The following GOLGA3 variants were observed in gnomAD, a reference collection of about 807,000 sequenced individuals.
The protein encoded by GOLGA3 is golgin A3, also known as golgin subfamily A member 3.
A neutral mutation model predicts 169.4 loss-of-function variants in GOLGA3; 75 were observed. The observed-to-expected ratio is 0.44, with a 90% CI of 0.37 to 0.54. The LOEUF (loss-of-function observed/expected upper bound fraction) is 0.54. GOLGA3 is among the 20% of genes least tolerant of loss of function. GOLGA3 has a pLI of 0.00. For missense variants in GOLGA3, 1,899 were observed against 1,930.0 expected (o/e 0.98, Z 0.30); for synonymous variants, 824 against 822.4 (o/e 1.00, Z -0.03).
Position 132,773,196 on chromosome 12 carries a change from C to T in GOLGA3, c.4406G>A (p.Ser1469Asn). 6.3e-7 allele frequency: 1 copy of T among 1,582,536 alleles called. No homozygotes were observed. Among genetic ancestry groups the T allele is most frequent in the Non-Finnish European group, 8.6e-7 (1 of 1,162,956 alleles). The change falls in exon 24 of 24, where the codon AGC becomes AAC. Residue 1469 changes from serine to asparagine, a missense_variant. By Grantham distance (46) the Ser-to-Asn change is conservative. Coordinates refer to ENST00000450791, the MANE Select transcript of GOLGA3 (RefSeq NM_001389683.1). ...SWTPLEPATASPVPPGGHAGP... is the reference protein window; with the variant it reads ...SWTPLEPATANPVPPGGHAGP... ...GGCGTGACCCCCCGGGGGCACAGGG[C>T]TGGCAGTGGCTGGCTCCAGCGGCGT...
intron 18 of GOLGA3, among the ~76,000 whole-genome samples, chr12:132,779,923 T>C (rs1430003994): frequency 9.0e-6 from 1 of 111,256 alleles, no homozygotes; most frequent in Non-Finnish European, 1.7e-5. Context: ...GCCCCCCGCA[T>C]GCACACAACC....
chr12:132,794,668 G>C (rs1422782748), intron 11 of GOLGA3, among the ~76,000 whole-genome samples: 1 of 152,216 alleles, frequency 6.6e-6, no homozygotes, highest in Non-Finnish European at 1.5e-5. Context: ...CCAGGTATCA[G>C]CTGTTTCTTA....
chr12:132,786,760 C>A lies in GOLGA3; in HGVS notation c.2839G>T (p.Val947Phe), dbSNP rs1397619073. The A allele has an allele frequency of 6.8e-6, 11 of 1,613,190 alleles. No individual in the cohort carries two copies. The highest frequency in any genetic ancestry group is 3.3e-5 in the Admixed American group (2 of 59,948). ...QSLQFDKEQM[V>F]AVTEANEALK... The stretch of plus-strand genomic sequence containing the variant: ...GCCTCATTGGCCTCTGTGACCGCGA[C>A]CATCTGCTCCTTATCGAACTGCAAC... Residue 947 changes from valine (V) to phenylalanine (F), a missense_variant, in exon 14 of 24, where the codon GTC (valine) becomes TTC (phenylalanine). Transcript: ENST00000450791.
chr12:132,789,412 A>G (rs764260635), intron 12 of GOLGA3, 122 bp from the exon 13 acceptor site: 10 of 776,884 alleles, frequency 1.3e-5, no homozygotes, highest in Non-Finnish European at 2.0e-5. Context: ...TTTTTGAGGT[A>G]AAGATACATT....
intron 2 of GOLGA3, among the ~76,000 whole-genome samples, chr12:132,817,529 G>A (rs1311432250): frequency 2.7e-5 from 1 of 37,538 alleles, no homozygotes; most frequent in African/African-American, 8.9e-5. Flanking sequence ...ACACCTCCAC[G>A]CTCTAAGGTG....
chr12:132,807,890 C>T lies in GOLGA3; in HGVS notation c.1178+1G>A, dbSNP rs1272569205. 6.3e-7 allele frequency: 1 copy of T among 1,596,182 alleles called. No individual in the cohort carries two copies. On this transcript the variant is annotated splice_donor_variant, in intron 5 of 23. Transcript: ENST00000450791. LOFTEE classifies it high-confidence loss of function. ...CCGCCCACCTCTGCTGTCCCCACCA[C>T]CTGCTGCAGATGCTGTCTCTCCGAC...
chr12:132,773,185 G>A lies in GOLGA3; in HGVS notation c.4417C>T (p.Pro1473Ser), dbSNP rs1433721048. Residue 1473 changes from proline (P) to serine (S), a missense_variant, in exon 24 of 24, where the codon CCG becomes TCG. By Grantham distance (74) the Pro-to-Ser change is moderately conservative. Transcript: ENST00000450791. ...CCGCGTGGGCCGGCGTGACCCCCCG[G>A]GGGCACAGGGCTGGCAGTGGCTGGC... Reference protein sequence around the residue: ...LEPATASPVPPGGHAGPRGDP... With the variant: ...LEPATASPVPSGGHAGPRGDP... 1.9e-6 allele frequency: 3 copies of A among 1,586,710 alleles called. No individual in the cohort carries two copies. The highest frequency in any genetic ancestry group is 2.6e-6 in the Non-Finnish European group (3 of 1,165,762).
At position 132,777,395 on chromosome 12, in the gene GOLGA3, C is replaced by A. The variant is rs925983734; in HGVS notation, c.3722+271G>T. ...CATGGGACCCACAGAGCCACAGCAT[C>A]AGCCCCGCGCCGGGCCGCCCCTTCC... On this transcript the variant is annotated intron_variant, in intron 19 of 23. Coordinates refer to ENST00000450791, the MANE Select transcript of GOLGA3 (RefSeq NM_001389683.1). This position sits in a 1 kb window ranked among gnomAD's most constrained non-coding sequence, Gnocchi z 4.7. Among the ~76,000 whole-genome samples the A allele has an allele frequency of 3.9e-5, 6 of 152,074 alleles. No individual in the cohort carries two copies. Among genetic ancestry groups the A allele is most frequent in the African/African-American group, 1.4e-4 (6 of 41,400 alleles).
intron 8 of GOLGA3, among the ~76,000 whole-genome samples, chr12:132,798,702 T>C (rs928756831): frequency 2.6e-5 from 4 of 152,200 alleles, no homozygotes; most frequent in Admixed American, 2.0e-4. Flanking sequence ...GCGCTCATCA[T>C]GCTGTTTGTA....
In GOLGA3 at chr12:132,798,372, C is replaced by T; in HGVS notation, c.1906G>A (p.Gly636Arg). The T allele has an allele frequency of 6.2e-7, 1 of 1,613,540 alleles. No homozygotes were observed. The highest frequency in any genetic ancestry group is 2.2e-5 in the East Asian group (1 of 44,874). Residue 636 changes from glycine to arginine, a missense_variant, in exon 9 of 24, where the codon GGG (glycine) becomes AGG (arginine). Physicochemically the swap from Gly to Arg is moderately radical, Grantham distance 125 (BLOSUM62 -2). Coordinates refer to ENST00000450791, the MANE Select transcript of GOLGA3 (RefSeq NM_001389683.1). The part of the protein sequence containing the change: ...ETQHRSMKEK[G>R]RIAAQLQGIE... ...CCCTGCAGCTGTGCCGCGATGCGCC[C>T]CTTCTCCTTCATGGACCTGTGCTGA... is the stretch of plus-strand genomic sequence containing the variant.
intron 1 of GOLGA3, 85 bp from the exon 2 acceptor site, chr12:132,822,396 TG>T: frequency 1.4e-6 from 1 of 718,200 alleles, no homozygotes; most frequent in Non-Finnish European, 2.1e-6. Flanking sequence ...GTTCCCAATT[TG>T]CATACGTACA....
chr12:132,818,543 C>T (rs750947958), intron 2 of GOLGA3, among the ~76,000 whole-genome samples: 4 of 152,318 alleles, frequency 2.6e-5, no homozygotes, highest in Middle Eastern at 3.4e-3. Flanking sequence ...CGTGAGCCAC[C>T]GCACCCAGCC....
intron 18 of GOLGA3, among the ~76,000 whole-genome samples, chr12:132,778,397 C>T (rs2045364005): frequency 6.6e-6 from 1 of 151,982 alleles, no homozygotes; most frequent in Admixed American, 6.5e-5. Context: ...CGGGGAAACC[C>T]CGTCTCTACT....
Position 132,773,301 on chromosome 12 carries a change from C to A in GOLGA3, c.4308-7G>T, listed in dbSNP as rs751606757. Reference sequence around the variant, plus strand: ...CAGGCTGTCCATCTCCTGCCTGGGACAGAAGAAGGAGGAAGAAGGCCCAGA... The same window carrying A: ...CAGGCTGTCCATCTCCTGCCTGGGAAAGAAGAAGGAGGAAGAAGGCCCAGA... On this transcript the variant is annotated splice_region_variant and splice_polypyrimidine_tract_variant and intron_variant, in intron 23 of 23. Transcript: ENST00000450791. 2.2e-6 allele frequency: 3 copies of A among 1,393,398 alleles called. No homozygotes were observed. The African/African-American group carries it at 4.5e-5, about 21-fold the overall frequency. The allele number at this position is 1,393,398 out of a possible 1,614,324, so 86.3% of individuals were successfully genotyped here. A position where few individuals can be genotyped will look rare whatever the true frequency, so the allele number is the denominator to read the frequency against.
At chr12:132,786,917 A>G in intron 13 of GOLGA3, 130 bp from the exon 14 acceptor site, 1 of 668,788 alleles carries the variant, frequency 1.5e-6, no homozygotes, top group Non-Finnish European at 2.7e-6. Flanking sequence ...GGCCTTGAGA[A>G]AAATCCTGAG....
At chr12:132,809,759 A>G (rs1052810988) in intron 4 of GOLGA3, among the ~76,000 whole-genome samples, 1 of 152,190 alleles carries the variant, frequency 6.6e-6, no homozygotes, top group Non-Finnish European at 1.5e-5. Flanking sequence ...ATGATTAATG[A>G]TATTCATATA....
Position 132,779,761 on chromosome 12 carries a change from T to G in GOLGA3, c.3582+1037A>C, listed in dbSNP as rs182347164. 2.1e-3 allele frequency among the ~76,000 whole-genome samples: 279 copies of G among 132,070 alleles called. 1 individual carries two copies. Among genetic ancestry groups the G allele is most frequent in the African/African-American group, 7.7e-3 (272 of 35,534 alleles). The allele number at this position is 132,070 out of a possible 152,430, so 86.6% of individuals were successfully genotyped here. A position where few individuals can be genotyped will look rare whatever the true frequency, so the allele number is the denominator to read the frequency against. ...CACGTGCGCACACACACCACAGCCC[T>G]TGCATGGACACCCCCCCCGTGCACA... On this transcript the variant is annotated intron_variant, in intron 18 of 23. Coordinates refer to ENST00000450791, the MANE Select transcript of GOLGA3 (RefSeq NM_001389683.1).
At chr12:132,779,918 C>A (rs2045477443) in intron 18 of GOLGA3, among the ~76,000 whole-genome samples, 2 of 141,412 alleles carry the variant, frequency 1.4e-5, no homozygotes, top group Non-Finnish European at 1.5e-5. Context: ...GCACAGCCCC[C>A]CGCATGCACA....
intron 22 of GOLGA3, 89 bp from the exon 23 acceptor site, chr12:132,774,409 C>G: frequency 6.8e-7 from 1 of 1,462,046 alleles, no homozygotes; most frequent in Non-Finnish European, 9.4e-7. Context: ...CGGGCCTCCC[C>G]AACTGGTGGA....
Sources: allele counts gnomAD v4.1 joint callset (sites outside exome capture counted in the v4.1 genomes callset), GRCh38; gene constraint gnomAD v4.1.1; non-coding constraint Gnocchi (gnomAD v3.1); transcripts MANE v1.5; gene names NCBI Gene and HGNC (gene_info 2026-07-23, HGNC 2026-07-21).